The following ERBIN variants were observed in gnomAD, a reference collection of about 807,000 sequenced individuals.
ERBIN encodes densin-180-like protein.
A neutral mutation model predicts 158.4 loss-of-function variants in ERBIN; 60 were observed. That is an observed-to-expected ratio of 0.38 (90% CI 0.31 to 0.47). The LOEUF (loss-of-function observed/expected upper bound fraction) is 0.47, where lower values mean the gene tolerates loss of function less well. ERBIN is among the 20% of genes least tolerant of loss of function. The pLI is 0.99. For synonymous variants in ERBIN, 594 were observed against 557.2 expected, an observed-to-expected ratio of 1.07 and a Z score of -0.93; for missense variants, 1,610 against 1,648.0, an observed-to-expected ratio of 0.98 and a Z score of 0.40.
At chr5:65,977,463 T>TCTC (rs1750089631) in intron 1 of ERBIN, among the ~76,000 whole-genome samples, 2 of 121,658 alleles carry the variant, frequency 1.6e-5, no homozygotes, top group Middle Eastern at 6.8e-3. Flanking sequence ...AGGCAGAGGG[T>TCTC]CTCCTCACTT....
chr5:65,956,451 A>C (rs1747144216), intron 1 of ERBIN, among the ~76,000 whole-genome samples: 2 of 138,598 alleles, frequency 1.4e-5, no homozygotes, highest in Admixed American at 7.8e-5. Context: ...ATCTCGGCTC[A>C]CTGCAACCTT....
intron 1 of ERBIN, among the ~76,000 whole-genome samples, chr5:65,953,350 A>G (rs760953312): frequency 1.3e-5 from 2 of 152,186 alleles, no homozygotes; most frequent in Non-Finnish European, 2.9e-5. Context: ...CTGCATACCC[A>G]TAGAATGATG....
At chr5:66,056,444 T>C (rs568729810) in intron 21 of ERBIN, among the ~76,000 whole-genome samples, 4 of 152,306 alleles carry the variant, frequency 2.6e-5, no homozygotes, top group South Asian at 4.1e-4. Flanking sequence ...TTTCATCTTA[T>C]ATGGCTGTTT....
Position 65,992,770 on chromosome 5 carries a change from CGAGGG to C in ERBIN, c.55_59del (p.Gly19ArgfsTer8). ...GCGGTTGGTACCATGTCGCTGTCTACGAGGGGAAGAGGAGACTGTCACTACTCTTG... is the reference window on the plus strand; with the variant it reads ...GCGGTTGGTACCATGTCGCTGTCTACGAAGAGGAGACTGTCACTACTCTTG... On this transcript the variant is annotated frameshift_variant, in exon 3 of 26. Transcript: ENST00000284037. LOFTEE classifies it high-confidence loss of function. 1 of 1,613,390 alleles carries C rather than the reference CGAGGG, an allele frequency of 6.2e-7. No individual in the cohort carries two copies. The highest frequency in any genetic ancestry group is 8.5e-7 in the Non-Finnish European group (1 of 1,179,710).
At position 66,038,496 on chromosome 5, in the gene ERBIN, A is replaced by C; in HGVS notation, c.1306+14A>C. On this transcript the variant is annotated intron_variant, in intron 15 of 25. Transcript: ENST00000284037. ...GGACTGAGGATGGTAGGAATTTCAT[A>C]ATCGATTTTCTTGTTAAAAACAAAT... 1 of 1,562,814 alleles carries C rather than the reference A, an allele frequency of 6.4e-7. No homozygotes were observed. The highest frequency in any genetic ancestry group is 1.8e-5 in the Admixed American group (1 of 55,930).
rs1389112890 is a variant in ERBIN, at chr5:66,076,866, T to C, written c.4057-9T>C. On this transcript the variant is annotated splice_polypyrimidine_tract_variant and intron_variant, in intron 24 of 25. Transcript: ENST00000284037. ...GTTTTTAGTTAAATAATTTTTTTTGTTGTTAAAGGGTATATTTGTAACAAG... is the reference window on the plus strand; with the variant it reads ...GTTTTTAGTTAAATAATTTTTTTTGCTGTTAAAGGGTATATTTGTAACAAG... The C allele has an allele frequency of 1.3e-6, 2 of 1,593,896 alleles. No homozygotes were observed. The highest frequency in any genetic ancestry group is 2.7e-5 in the African/African-American group (2 of 73,962).
intron 13 of ERBIN, among the ~76,000 whole-genome samples, 187 bp from the exon 14 acceptor site, chr5:66,028,087 T>G (rs1324860885): frequency 3.9e-5 from 6 of 152,126 alleles, no homozygotes; most frequent in Non-Finnish European, 4.4e-5. Flanking sequence ...AACTAATTCT[T>G]ATAAAACTAG....
chr5:66,038,328 A>C (rs1757593519), intron 14 of ERBIN, 55 bp from the exon 15 acceptor site: 1 of 1,173,148 alleles, frequency 8.5e-7, no homozygotes, highest in Non-Finnish European at 1.2e-6. Context: ...GGAATTGCTG[A>C]ATATATATTT....
At chr5:66,005,731 C>T (rs1027227569) in intron 4 of ERBIN, among the ~76,000 whole-genome samples, 2 of 152,148 alleles carry the variant, frequency 1.3e-5, no homozygotes, top group Admixed American at 1.3e-4. Flanking sequence ...GTGCAAAAAT[C>T]ACAGGCATTC....
At chr5:65,957,445 A>G (rs1239726012) in intron 1 of ERBIN, among the ~76,000 whole-genome samples, 1 of 152,164 alleles carries the variant, frequency 6.6e-6, no homozygotes, top group East Asian at 1.9e-4. Context: ...GCCTTCAAGC[A>G]TCTGTTTAAC....
intron 1 of ERBIN, among the ~76,000 whole-genome samples, chr5:65,937,930 C>A (rs1285054594): frequency 6.6e-6 from 1 of 151,846 alleles, no homozygotes; most frequent in Non-Finnish European, 1.5e-5. Flanking sequence ...AATAATAATT[C>A]TTGGTGGTAT....
Position 66,076,965 on chromosome 5 carries a change from C to CTT in ERBIN, c.4131+26_4131+27dup, listed in dbSNP as rs397883288. On this transcript the variant is annotated intron_variant, in intron 25 of 25. Coordinates refer to ENST00000284037, the MANE Select transcript of ERBIN (RefSeq NM_001253697.2). ...AATTATTCAGGTAATTAAAATAAAT[C>CTT]TTTTTTTTTTTCATTTTATAACACT... is the stretch of plus-strand genomic sequence containing the variant. 0.017 allele frequency: 21,829 copies of CTT among 1,282,488 alleles called. 172 individuals carry two copies. The highest frequency in any genetic ancestry group is 0.068 in the African/African-American group (4,399 of 64,610). 79.4% of individuals were successfully genotyped at this position (1,282,488 alleles called of 1,614,324 possible).
At chr5:66,021,736 G>T (rs1211306802) in intron 8 of ERBIN, among the ~76,000 whole-genome samples, 2 of 152,084 alleles carry the variant, frequency 1.3e-5, no homozygotes, top group African/African-American at 4.8e-5. Flanking sequence ...GCTCCATGGG[G>T]TATTGCTTGT....
intron 4 of ERBIN, among the ~76,000 whole-genome samples, chr5:66,009,239 A>G (rs1158892314): frequency 6.6e-6 from 1 of 152,240 alleles, no homozygotes; most frequent in Admixed American, 6.5e-5. Context: ...GTAATATATT[A>G]GGAGCATCAT....
At chr5:65,982,457 C>T (rs1398517824) in intron 1 of ERBIN, among the ~76,000 whole-genome samples, 1 of 152,176 alleles carries the variant, frequency 6.6e-6, no homozygotes, top group Non-Finnish European at 1.5e-5. Context: ...GGAGAATTGT[C>T]TTTCAACCCA....
At chr5:66,016,089 G>C (rs1236288101) in intron 7 of ERBIN, among the ~76,000 whole-genome samples, 1 of 152,126 alleles carries the variant, frequency 6.6e-6, no homozygotes, top group Admixed American at 6.5e-5. Context: ...GACTGTGTCT[G>C]TTTTTTATTC....
chr5:66,005,119 G>A (rs781375776), intron 4 of ERBIN, among the ~76,000 whole-genome samples: 2 of 152,150 alleles, frequency 1.3e-5, no homozygotes, highest in African/African-American at 2.4e-5. Context: ...GGGCATGTGG[G>A]TGAAAAACAA....
chr5:66,000,271 A>G lies in ERBIN; in HGVS notation c.307+5407A>G, dbSNP rs548686598. Among the ~76,000 whole-genome samples, 214 of 152,244 alleles carry G rather than the reference A, an allele frequency of 1.4e-3. 1 individual carries two copies. Among genetic ancestry groups the G allele is most frequent in the African/African-American group, 5.0e-3 (208 of 41,552 alleles). ...ATAACTTGCATATATGCTTCATGAAAATGGATTAACCTCATGTTTATTACT... is the reference window on the plus strand; with the variant it reads ...ATAACTTGCATATATGCTTCATGAAGATGGATTAACCTCATGTTTATTACT... On this transcript the variant is annotated intron_variant, in intron 4 of 25. Coordinates refer to ENST00000284037, the MANE Select transcript of ERBIN (RefSeq NM_001253697.2).
intron 4 of ERBIN, among the ~76,000 whole-genome samples, chr5:66,000,341 G>A (rs937989829): frequency 6.6e-6 from 1 of 152,106 alleles, no homozygotes; most frequent in African/African-American, 2.4e-5. Context: ...TAACCCTACA[G>A]CATCATTAAA....
Sources: gnomAD v4.1 joint callset for allele counts (sites outside exome capture counted in the v4.1 genomes callset) on GRCh38, gnomAD v4.1.1 for gene constraint, MANE v1.5 for transcripts, NCBI Gene and HGNC (gene_info 2026-07-23, HGNC 2026-07-21) for gene names.